The following AGBL1 variants were observed in gnomAD, a reference collection of about 807,000 sequenced individuals.
AGBL1 encodes the protein cytosolic carboxypeptidase 4.
In AGBL1, 130 loss-of-function variants were observed where a neutral mutation model predicts 118.9. The observed-to-expected ratio is 1.09, with a 90% CI of 0.95 to 1.26. The LOEUF (loss-of-function observed/expected upper bound fraction) is 1.26. Ranked by LOEUF, AGBL1 falls within the 50% of genes most tolerant of loss-of-function variation. The probability of loss-of-function intolerance (pLI) is 0.00; values close to 1 mark genes in which losing one functional copy is unlikely to be tolerated. For missense variants in AGBL1, 1,584 were observed against 1,298.1 expected (o/e 1.22, Z -3.38); for synonymous variants, 555 against 478.9 (o/e 1.16, Z -2.08).
intron 22 of AGBL1, among the ~76,000 whole-genome samples, chr15:86,709,728 T>C (rs1438428797): frequency 1.3e-5 from 2 of 152,190 alleles, no homozygotes; most frequent in African/African-American, 4.8e-5. Context: ...GGAAACCATA[T>C]GGATGTTAGA....
At chr15:86,777,884 C>T (rs1022109760) in intron 22 of AGBL1, among the ~76,000 whole-genome samples, 1 of 151,954 alleles carries the variant, frequency 6.6e-6, no homozygotes, top group Non-Finnish European at 1.5e-5. Flanking sequence ...GTCACCTAGA[C>T]AAAGAGAAAT....
At chr15:86,472,542 T>A (rs1489804893) in intron 18 of AGBL1, among the ~76,000 whole-genome samples, 15 of 152,228 alleles carry the variant, frequency 9.9e-5, no homozygotes, top group Admixed American at 9.8e-4. Flanking sequence ...TACAGTATGT[T>A]TGTTAAATGT....
chr15:86,218,138 C>T (rs1449366938), intron 5 of AGBL1, among the ~76,000 whole-genome samples: 1 of 152,170 alleles, frequency 6.6e-6, no homozygotes, highest in Non-Finnish European at 1.5e-5. Flanking sequence ...CTAGAAATTA[C>T]ATTTCTCATT....
intron 18 of AGBL1, among the ~76,000 whole-genome samples, chr15:86,487,551 T>A (rs1350047431): frequency 7.3e-6 from 1 of 137,508 alleles, no homozygotes; most frequent in Non-Finnish European, 1.5e-5. Flanking sequence ...AGCTAAAAAT[T>A]TGAAAAGGCC....
intron 18 of AGBL1, among the ~76,000 whole-genome samples, chr15:86,411,368 GC>G (rs2081617486): frequency 6.6e-6 from 1 of 152,042 alleles, no homozygotes; most frequent in African/African-American, 2.4e-5. Flanking sequence ...CACCTCGAAG[GC>G]TGGCATTGGA....
At chr15:86,508,232 C>G (rs1440817176) in intron 18 of AGBL1, among the ~76,000 whole-genome samples, 3 of 151,868 alleles carry the variant, frequency 2.0e-5, no homozygotes, top group African/African-American at 7.3e-5. Context: ...TGTGATTTGC[C>G]TTTTAATTTC....
chr15:86,870,658 A>G (rs2079714035), intron 22 of AGBL1, among the ~76,000 whole-genome samples: 1 of 152,074 alleles, frequency 6.6e-6, no homozygotes. Flanking sequence ...ATGGAAAGCA[A>G]GAAAGGAGCA....
chr15:86,920,523 G>A (rs2080472679), downstream of AGBL1, among the ~76,000 whole-genome samples: 1 of 152,146 alleles, frequency 6.6e-6, no homozygotes, highest in African/African-American at 2.4e-5. Flanking sequence ...TGGGGAAGGG[G>A]AAAACACAGG....
chr15:86,950,232 G>A (rs145162143), intron 23 of AGBL1, among the ~76,000 whole-genome samples: 2 of 151,322 alleles, frequency 1.3e-5, no homozygotes, highest in African/African-American at 4.8e-5. Flanking sequence ...ATCTCAAGAA[G>A]CTAAGGAAAG....
intron 24 of AGBL1, among the ~76,000 whole-genome samples, chr15:86,991,099 T>A (rs1219224192): frequency 6.6e-6 from 1 of 152,206 alleles, no homozygotes; most frequent in Non-Finnish European, 1.5e-5. Flanking sequence ...ATGTAGTTTT[T>A]TATAATAGAC....
intron 6 of AGBL1, among the ~76,000 whole-genome samples, chr15:86,240,063 G>A (rs1567148318): frequency 6.6e-6 from 1 of 152,070 alleles, no homozygotes; most frequent in Non-Finnish European, 1.5e-5. Context: ...TCAGATGAGG[G>A]GATTTCATTT....
chr15:86,710,514 GGT>G (rs1267131595), intron 22 of AGBL1, among the ~76,000 whole-genome samples: 1 of 152,112 alleles, frequency 6.6e-6, no homozygotes, highest in Non-Finnish European at 1.5e-5. Flanking sequence ...CAATTTAATT[GGT>G]GTGAGGCAGC....
At chr15:86,094,575 C>T (rs1237463272) in intron 1 of AGBL1, among the ~76,000 whole-genome samples, 1 of 151,996 alleles carries the variant, frequency 6.6e-6, no homozygotes, top group Non-Finnish European at 1.5e-5. Context: ...GCAATGTAGT[C>T]ACAACAGAGG....
chr15:86,750,687 T>C (rs993562070), intron 22 of AGBL1, among the ~76,000 whole-genome samples: 3 of 152,076 alleles, frequency 2.0e-5, no homozygotes, highest in Non-Finnish European at 4.4e-5. Context: ...AGGTTTGTTG[T>C]GTAGGTAATT....
At chr15:86,243,788 C>T (rs1336882409) in intron 6 of AGBL1, among the ~76,000 whole-genome samples, 2 of 152,156 alleles carry the variant, frequency 1.3e-5, no homozygotes, top group African/African-American at 4.8e-5. Flanking sequence ...GTGAGTGGAT[C>T]ACTTGAGGTC....
chr15:86,671,715 C>G (rs573322157), intron 21 of AGBL1, among the ~76,000 whole-genome samples: 1 of 152,114 alleles, frequency 6.6e-6, no homozygotes, highest in African/African-American at 2.4e-5. Flanking sequence ...GATTTAAAGG[C>G]ACTCACATAC....
intron 18 of AGBL1, among the ~76,000 whole-genome samples, chr15:86,518,785 T>C (rs1277135234): frequency 1.3e-5 from 2 of 151,996 alleles, no homozygotes; most frequent in South Asian, 2.1e-4. Flanking sequence ...TCCAACTCTG[T>C]ACCACCTTCT....
chr15:86,669,066 C>T (rs1014974297), intron 21 of AGBL1, among the ~76,000 whole-genome samples: 4 of 151,942 alleles, frequency 2.6e-5, no homozygotes, highest in Non-Finnish European at 4.4e-5. Context: ...AAGAAAAGAG[C>T]GCTAACACCA....
intron 5 of AGBL1, among the ~76,000 whole-genome samples, chr15:86,216,413 T>A (rs1249466602): frequency 1.3e-5 from 2 of 152,210 alleles, no homozygotes; most frequent in African/African-American, 4.8e-5. Flanking sequence ...TAGGCCACTT[T>A]ATCAGTTTGA....
Sources: allele counts gnomAD v4.1 joint callset (sites outside exome capture counted in the v4.1 genomes callset), GRCh38; gene constraint gnomAD v4.1.1; transcripts MANE v1.5; gene names NCBI Gene and HGNC (gene_info 2026-07-23, HGNC 2026-07-21).